ST6GALNAC3: variants seen among roughly 807,000 people sequenced by gnomAD.
The protein encoded by ST6GALNAC3 is alpha-N-acetylgalactosaminide alpha-2,6-sialyltransferase 3.
ST6GALNAC3 carries 25 observed loss-of-function variants against 32.7 expected under a neutral mutation model. The observed-to-expected ratio is 0.76, with a 90% confidence interval of 0.56 to 1.07. The LOEUF (loss-of-function observed/expected upper bound fraction) is 1.07. Ranked by LOEUF, ST6GALNAC3 falls within the 50% of genes least tolerant of loss-of-function variation. ST6GALNAC3 has a pLI of 0.00. For missense variants in ST6GALNAC3, 355 were observed against 382.4 expected (o/e 0.93, Z 0.60); for synonymous variants, 129 against 133.1 (o/e 0.97, Z 0.21).
chr1:76,577,303 G>C, intron 3 of ST6GALNAC3: 1 of 987,586 alleles, frequency 1.0e-6, no homozygotes, highest in Non-Finnish European at 1.2e-6. Flanking sequence ...AAAAGGCCAT[G>C]CTAGATTTCC....
chr1:76,074,781 G>T lies in ST6GALNAC3; in HGVS notation c.-86G>T, dbSNP rs573582111. 2 of 1,469,318 alleles carry T rather than the reference G, an allele frequency of 1.4e-6. No homozygotes were observed. Among genetic ancestry groups the T allele is most frequent in the East Asian group, 2.5e-5 (1 of 40,186 alleles). The allele number at this position is 1,469,318 out of a possible 1,614,324, so 91.0% of individuals were successfully genotyped here. A position where few individuals can be genotyped will look rare whatever the true frequency, so the allele number is the denominator to read the frequency against. Reference sequence around the variant, plus strand: ...GAATGTGGGCTGGAGAGGTCCTGCCGTGGTACCAGCCTCCAGCCTGCCCCC... The same window carrying T: ...GAATGTGGGCTGGAGAGGTCCTGCCTTGGTACCAGCCTCCAGCCTGCCCCC... On this transcript the variant is annotated 5_prime_UTR_variant, in exon 1 of 5. Transcript: ENST00000328299.
At chr1:76,271,579 T>C (rs1309610021) in intron 1 of ST6GALNAC3, among the ~76,000 whole-genome samples, 1 of 152,182 alleles carries the variant, frequency 6.6e-6, no homozygotes, top group Non-Finnish European at 1.5e-5. Flanking sequence ...AAGGAGACAA[T>C]TCTATCTGGA....
chr1:76,445,024 G>A (rs566135050), intron 3 of ST6GALNAC3, among the ~76,000 whole-genome samples: 1 of 152,274 alleles, frequency 6.6e-6, no homozygotes, highest in South Asian at 2.1e-4. Context: ...CTAGTCTAAA[G>A]CAAGGGAACA....
At chr1:76,525,455 T>G (rs1270031263) in intron 3 of ST6GALNAC3, among the ~76,000 whole-genome samples, 1 of 151,908 alleles carries the variant, frequency 6.6e-6, no homozygotes, top group Non-Finnish European at 1.5e-5. Context: ...TAGAAAGAAA[T>G]TTCAAAAAGG....
intron 2 of ST6GALNAC3, among the ~76,000 whole-genome samples, chr1:76,363,236 G>A (rs764757388): frequency 1.3e-5 from 2 of 152,146 alleles, no homozygotes; most frequent in Non-Finnish European, 2.9e-5. Context: ...ACACTTTGCT[G>A]TTTAGAAATT....
chr1:76,616,232 A>T (rs1173273180), intron 3 of ST6GALNAC3, among the ~76,000 whole-genome samples: 1 of 152,224 alleles, frequency 6.6e-6, no homozygotes, highest in African/African-American at 2.4e-5. Context: ...GAGGAGTTTA[A>T]CTCAGTTAGA....
intron 1 of ST6GALNAC3, among the ~76,000 whole-genome samples, chr1:76,190,485 T>G (rs1653829802): frequency 6.6e-6 from 1 of 152,118 alleles, no homozygotes; most frequent in Non-Finnish European, 1.5e-5. Context: ...CATTAGCAAA[T>G]AAAACCCATA....
At chr1:76,580,644 G>A (rs891359274) in intron 3 of ST6GALNAC3, among the ~76,000 whole-genome samples, 1 of 151,516 alleles carries the variant, frequency 6.6e-6, no homozygotes, top group Admixed American at 6.6e-5. Context: ...TCATCACTGT[G>A]TGGCTTGTGG....
At chr1:76,573,017 G>A (rs754015666) in intron 3 of ST6GALNAC3, among the ~76,000 whole-genome samples, 18 of 152,120 alleles carry the variant, frequency 1.2e-4, no homozygotes, top group Non-Finnish European at 1.8e-4. Context: ...TTTTGTAGAA[G>A]TAGATAATCT....
At chr1:76,536,654 C>CAAAA (rs35157329) in intron 3 of ST6GALNAC3, among the ~76,000 whole-genome samples, 163 of 57,598 alleles carry the variant, frequency 2.8e-3, no homozygotes, top group African/African-American at 4.4e-3. Context: ...AAATGGAAAG[C>CAAAA]AAAAAAAAAA....
At chr1:76,411,070 A>G (rs1026280125) in intron 2 of ST6GALNAC3, among the ~76,000 whole-genome samples, 2 of 152,174 alleles carry the variant, frequency 1.3e-5, no homozygotes, top group Admixed American at 6.5e-5. Flanking sequence ...ATATCAAAAA[A>G]GCACATTGCT....
At chr1:76,173,874 T>C (rs1190165747) in intron 1 of ST6GALNAC3, among the ~76,000 whole-genome samples, 1 of 152,130 alleles carries the variant, frequency 6.6e-6, no homozygotes, top group African/African-American at 2.4e-5. Context: ...AGGAAGACTT[T>C]TACACTGTTG....
chr1:76,458,151 C>T (rs1657988554), intron 3 of ST6GALNAC3, among the ~76,000 whole-genome samples: 1 of 143,284 alleles, frequency 7.0e-6, no homozygotes, highest in African/African-American at 2.6e-5. Flanking sequence ...CCATCACTGG[C>T]CATCAGAGAA....
intron 1 of ST6GALNAC3, among the ~76,000 whole-genome samples, chr1:76,149,264 CA>C (rs1160609816): frequency 2.0e-5 from 3 of 152,152 alleles, no homozygotes; most frequent in African/African-American, 7.2e-5. Flanking sequence ...ACAAGCCATT[CA>C]ACCATGTATA....
chr1:76,274,940 C>T (rs1659051284), intron 1 of ST6GALNAC3, among the ~76,000 whole-genome samples: 1 of 152,158 alleles, frequency 6.6e-6, no homozygotes, highest in South Asian at 2.1e-4. Context: ...GGAAAAATGT[C>T]ACTCTCTGAG....
chr1:76,348,391 T>C (rs1648694638), intron 2 of ST6GALNAC3, among the ~76,000 whole-genome samples: 1 of 152,188 alleles, frequency 6.6e-6, no homozygotes, highest in African/African-American at 2.4e-5. Context: ...AGAATTGATG[T>C]GGAAAAGGCA....
At chr1:76,604,777 T>A (rs1647415545) in intron 3 of ST6GALNAC3, among the ~76,000 whole-genome samples, 1 of 152,236 alleles carries the variant, frequency 6.6e-6, no homozygotes, top group Non-Finnish European at 1.5e-5. Context: ...ATTCTCCATT[T>A]TCATCATGGT....
chr1:76,609,819 G>A (rs1037234364), intron 3 of ST6GALNAC3, among the ~76,000 whole-genome samples: 4 of 151,824 alleles, frequency 2.6e-5, no homozygotes, highest in African/African-American at 7.3e-5. Context: ...CACCCCCCTT[G>A]ACTTGGGTTC....
chr1:76,138,698 C>T (rs1650102758), intron 1 of ST6GALNAC3, among the ~76,000 whole-genome samples: 1 of 152,176 alleles, frequency 6.6e-6, no homozygotes, highest in South Asian at 2.1e-4. Flanking sequence ...TATGTTTCTT[C>T]CAGCTTCTAT....
Sources: allele counts gnomAD v4.1 joint callset (sites outside exome capture counted in the v4.1 genomes callset), GRCh38; gene constraint gnomAD v4.1.1; transcripts MANE v1.5; gene names NCBI Gene and HGNC (gene_info 2026-07-23, HGNC 2026-07-21).